Variants in ZNF438 observed in about 807,000 individuals in gnomAD.
ZNF438 encodes zinc finger protein 438.
A neutral mutation model predicts 38.0 loss-of-function variants in ZNF438; 25 were observed. That is an observed-to-expected ratio of 0.66 (90% CI 0.48 to 0.92). The LOEUF is 0.92. ZNF438 is among the 40% of genes least tolerant of loss of function. The pLI is 0.00. For synonymous variants in ZNF438, 372 were observed against 364.1 expected (o/e 1.02, Z -0.25); for missense variants, 1,007 against 999.6 (o/e 1.01, Z -0.10).
intron 1 of ZNF438, among the ~76,000 whole-genome samples, chr10:31,005,238 G>A (rs961722301): frequency 1.3e-5 from 2 of 152,160 alleles, no homozygotes; most frequent in African/African-American, 4.8e-5. Flanking sequence ...TCTGTCAACA[G>A]ATGAATGAAC....
intron 1 of ZNF438, among the ~76,000 whole-genome samples, chr10:30,977,729 AAT>A (rs1293647144): frequency 4.6e-5 from 7 of 152,174 alleles, no homozygotes; most frequent in Admixed American, 2.6e-4. Context: ...TCACGTCTGT[AAT>A]ACCAACACTT....
chr10:30,982,049 T>C (rs1049370159), intron 1 of ZNF438, among the ~76,000 whole-genome samples: 2 of 151,952 alleles, frequency 1.3e-5, no homozygotes, highest in African/African-American at 2.4e-5. Context: ...AACTATTACA[T>C]GATCAATGTA....
chr10:30,872,507 T>G (rs1237285039), intron 4 of ZNF438, among the ~76,000 whole-genome samples: 1 of 142,260 alleles, frequency 7.0e-6, no homozygotes, highest in East Asian at 2.2e-4. Flanking sequence ...TCCCAGCACT[T>G]TGGGAGGCCG....
chr10:30,980,136 G>A (rs759312020), intron 1 of ZNF438, among the ~76,000 whole-genome samples: 9 of 151,966 alleles, frequency 5.9e-5, no homozygotes, highest in Non-Finnish European at 1.0e-4. Flanking sequence ...AAGACAGTGA[G>A]TGACAGGAGA....
intron 1 of ZNF438, among the ~76,000 whole-genome samples, chr10:30,953,153 CA>C (rs1380537696): frequency 7.0e-6 from 1 of 143,240 alleles, no homozygotes; most frequent in Non-Finnish European, 1.5e-5. Flanking sequence ...GTCGCAAGAA[CA>C]AAAAACCAAA....
At chr10:31,004,626 A>C (rs2054951333) in intron 1 of ZNF438, among the ~76,000 whole-genome samples, 1 of 152,222 alleles carries the variant, frequency 6.6e-6, no homozygotes, top group Non-Finnish European at 1.5e-5. Flanking sequence ...AAGGCTGCTG[A>C]GCGTATCATT....
At chr10:31,004,124 T>G (rs1416565311) in intron 1 of ZNF438, among the ~76,000 whole-genome samples, 2 of 152,062 alleles carry the variant, frequency 1.3e-5, no homozygotes, top group Non-Finnish European at 2.9e-5. Context: ...ATTGTCACAA[T>G]AAGGGTAGAG....
intron 1 of ZNF438, among the ~76,000 whole-genome samples, chr10:30,944,270 C>T (rs1230833907): frequency 1.3e-5 from 2 of 152,172 alleles, no homozygotes; most frequent in Non-Finnish European, 2.9e-5. Context: ...CACTACAGGG[C>T]AAGTTAAGTC....
chr10:30,930,174 G>T (rs2045479307), intron 2 of ZNF438, among the ~76,000 whole-genome samples: 1 of 147,748 alleles, frequency 6.8e-6, no homozygotes, highest in Admixed American at 6.7e-5. Context: ...TGGGGGGGGA[G>T]TGCGGGGCTC....
At chr10:31,019,115 C>T (rs887456173) in intron 1 of ZNF438, among the ~76,000 whole-genome samples, 1 of 152,186 alleles carries the variant, frequency 6.6e-6, no homozygotes, top group Admixed American at 6.5e-5. Flanking sequence ...CTTTGCCACA[C>T]TCTCATACAA....
intron 1 of ZNF438, among the ~76,000 whole-genome samples, chr10:30,988,473 T>A (rs1026965605): frequency 6.6e-6 from 1 of 152,004 alleles, no homozygotes; most frequent in African/African-American, 2.4e-5. Context: ...ATCTCCCTTA[T>A]GTAGTATATT....
At chr10:30,914,530 T>C (rs1454336224) in intron 2 of ZNF438, among the ~76,000 whole-genome samples, 1 of 152,072 alleles carries the variant, frequency 6.6e-6, no homozygotes, top group African/African-American at 2.4e-5. Flanking sequence ...TCCTGGATGT[T>C]ACCACTGGGG....
At chr10:30,846,045 C>G (rs1378476378) in intron 5 of ZNF438, among the ~76,000 whole-genome samples, 1 of 152,172 alleles carries the variant, frequency 6.6e-6, no homozygotes. Context: ...GGGTGCCTAC[C>G]CTATTTCTTC....
At chr10:30,859,150 G>A (rs1388450631) in intron 4 of ZNF438, among the ~76,000 whole-genome samples, 2 of 152,064 alleles carry the variant, frequency 1.3e-5, no homozygotes, top group Admixed American at 6.6e-5. Context: ...GTGTAATCAC[G>A]GCTCACTGCA....
intron 5 of ZNF438, 69 bp from the exon 7 acceptor site, chr10:30,845,642 T>C (rs1025095490): frequency 3.3e-6 from 5 of 1,534,620 alleles, no homozygotes; most frequent in East Asian, 2.2e-5. Context: ...TCCTCTCAGC[T>C]GTCAGCCTTC....
intron 3 of ZNF438, among the ~76,000 whole-genome samples, chr10:30,889,280 A>T (rs781547995): frequency 2.6e-5 from 4 of 152,242 alleles, no homozygotes; most frequent in Non-Finnish European, 4.4e-5. Context: ...TTTAATCCAC[A>T]TAGTAAATTC....
At chr10:30,865,192 G>A (rs778503934) in intron 4 of ZNF438, among the ~76,000 whole-genome samples, 6 of 152,218 alleles carry the variant, frequency 3.9e-5, no homozygotes, top group Non-Finnish European at 8.8e-5. Context: ...TCCAATCACA[G>A]TGCAACTGTT....
rs555467634 is a variant in ZNF438 at position 30,849,786 on chromosome 10, C to G, written c.619G>C (p.Val207Leu). ...TTCAGACTGCCATGGGTGTTGGTCA[C>G]TGGTGGTCTCAAGTCCCCATGGTCA... The change falls in exon 5 of 6, where the codon GTG (valine) becomes CTG (leucine). Residue 207 changes from valine to leucine, a missense_variant. Transcript: ENST00000413025. 4.3e-6 allele frequency: 7 copies of G among 1,614,194 alleles called. No homozygotes were observed. In the South Asian group the frequency reaches 7.7e-5, roughly 18 times the overall value.
chr10:31,024,035 C>T (rs1342121308), intron 1 of ZNF438, among the ~76,000 whole-genome samples: 1 of 152,186 alleles, frequency 6.6e-6, no homozygotes, highest in Non-Finnish European at 1.5e-5. Flanking sequence ...AATAGGCTTA[C>T]AAACACTGAA....
Sources: allele counts gnomAD v4.1 joint callset (sites outside exome capture counted in the v4.1 genomes callset), GRCh38; gene constraint gnomAD v4.1.1; transcripts MANE v1.5; gene names NCBI Gene and HGNC (gene_info 2026-07-23, HGNC 2026-07-21).